The following PXK variants were observed in gnomAD, a reference collection of about 807,000 sequenced individuals.
The protein encoded by PXK is PX domain-containing protein kinase-like protein.
Under a neutral mutation model 84.7 loss-of-function variants are expected in PXK, and 35 were observed. The ratio of observed to expected loss-of-function variants is 0.41; its 90% CI spans 0.32 to 0.55. The LOEUF is 0.55. PXK is among the 20% of genes least tolerant of loss of function. The probability of loss-of-function intolerance (pLI) is 0.21; values close to 1 mark genes in which losing one functional copy is unlikely to be tolerated. For missense variants in PXK, 634 were observed against 699.7 expected, an observed-to-expected ratio of 0.91 and a Z score of 1.06; for synonymous variants, 253 against 260.8, an observed-to-expected ratio of 0.97 and a Z score of 0.29.
chr3:58,409,770 T>TG lies in PXK; in HGVS notation c.1395+156dup, dbSNP rs1553817681. The TG allele has an allele frequency of 8.2e-4, 192 of 235,384 alleles. 1 individual carries two copies. Among genetic ancestry groups the TG allele is most frequent in the African/African-American group, 6.6e-3 (122 of 18,444 alleles). 14.6% of individuals were successfully genotyped at this position (235,384 alleles called of 1,614,324 possible). ...CCAGATGACTGGGGTGCAGTTTTTT[T>TG]GGGGAAAAAAAAAGAGTCATATGAT... On this transcript the variant is annotated intron_variant, in intron 15 of 17. Coordinates refer to ENST00000356151, the MANE Select transcript of PXK (RefSeq NM_017771.5). The surrounding 1 kb of genome is among the most constrained non-coding windows in gnomAD (Gnocchi z 4.2).
At chr3:58,392,408 G>A (rs2098640136) in intron 7 of PXK, among the ~76,000 whole-genome samples, 1 of 152,184 alleles carries the variant, frequency 6.6e-6, no homozygotes, top group African/African-American at 2.4e-5. Context: ...ATCTGGCCAG[G>A]AAATTGAGTT....
At position 58,383,189 on chromosome 3, in the gene PXK, G is replaced by A. The variant is rs1483865783; in HGVS notation, c.388+489G>A. Reference sequence around the variant, plus strand: ...TGCCTGTAATCCTAGCTACTCGGGAGGCTGAGGCAGGAGAATCGCTTGAAC... The same window carrying A: ...TGCCTGTAATCCTAGCTACTCGGGAAGCTGAGGCAGGAGAATCGCTTGAAC... On this transcript the variant is annotated intron_variant, in intron 4 of 17. Coordinates refer to ENST00000356151, the MANE Select transcript of PXK (RefSeq NM_017771.5). This position sits in a 1 kb window ranked among gnomAD's most constrained non-coding sequence, Gnocchi z 4.0. 1.3e-5 allele frequency among the ~76,000 whole-genome samples: 2 copies of A among 152,170 alleles called. No individual in the cohort carries two copies. The highest frequency in any genetic ancestry group is 2.9e-5 in the Non-Finnish European group (2 of 68,034).
intron 1 of PXK, among the ~76,000 whole-genome samples, chr3:58,360,831 GAA>G (rs762223630): frequency 7.3e-5 from 8 of 109,702 alleles, no homozygotes; most frequent in Non-Finnish European, 5.9e-5. Context: ...GACCCCGACT[GAA>G]AAAAAAAAAA....
At chr3:58,388,882 C>A (rs1160178052) in intron 4 of PXK, among the ~76,000 whole-genome samples, 1 of 152,064 alleles carries the variant, frequency 6.6e-6, no homozygotes, top group African/African-American at 2.4e-5. Context: ...TACTGAATCC[C>A]TCATGCCTCA....
intron 13 of PXK, among the ~76,000 whole-genome samples, chr3:58,405,330 G>T (rs1240793773): frequency 5.3e-5 from 8 of 151,942 alleles, no homozygotes; most frequent in African/African-American, 1.9e-4. Flanking sequence ...AGTTCAACAT[G>T]ATCTGGGGGT....
At chr3:58,373,774 G>C (rs1455052288) in intron 3 of PXK, among the ~76,000 whole-genome samples, 1 of 152,000 alleles carries the variant, frequency 6.6e-6, no homozygotes, top group African/African-American at 2.4e-5. Flanking sequence ...CCCCTGACGT[G>C]GTGGCTCACG....
At chr3:58,419,703 G>C (rs574663509) in intron 17 of PXK, among the ~76,000 whole-genome samples, 2 of 152,322 alleles carry the variant, frequency 1.3e-5, no homozygotes, top group East Asian at 1.9e-4. Context: ...TAGCCTTGGG[G>C]AACAATGGTA....
chr3:58,335,729 C>G (rs1283152087), intron 1 of PXK, among the ~76,000 whole-genome samples: 1 of 152,018 alleles, frequency 6.6e-6, no homozygotes, highest in African/African-American at 2.4e-5. Flanking sequence ...TAATACAGGT[C>G]TGAGCTGATA....
rs142802066 is a variant in PXK, at chr3:58,411,977, A to G, written c.1466-924A>G. Among the ~76,000 whole-genome samples the G allele has an allele frequency of 1.3e-5, 2 of 152,178 alleles. No homozygotes were observed. Among genetic ancestry groups the G allele is most frequent in the Admixed American group, 6.5e-5 (1 of 15,274 alleles). The stretch of plus-strand genomic sequence containing the variant: ...CATGGCCAGTGTCCATGAGACACCA[A>G]CATGTCCTGTGGGTAGTGAGGGAAG... On this transcript the variant is annotated intron_variant, in intron 16 of 17. Coordinates refer to ENST00000356151, the MANE Select transcript of PXK (RefSeq NM_017771.5). This position sits in a 1 kb window ranked among gnomAD's most constrained non-coding sequence, Gnocchi z 4.2.
rs1477120269 is a variant in PXK, at chr3:58,333,811, A to G, written c.102+721A>G. Among the ~76,000 whole-genome samples, 1 of 151,656 alleles carries G rather than the reference A, an allele frequency of 6.6e-6. No individual in the cohort carries two copies. Among genetic ancestry groups the G allele is most frequent in the African/African-American group, 2.4e-5 (1 of 41,254 alleles). On this transcript the variant is annotated intron_variant, in intron 1 of 17. Coordinates refer to ENST00000356151, the MANE Select transcript of PXK (RefSeq NM_017771.5). The surrounding 1 kb of genome is among the most constrained non-coding windows in gnomAD (Gnocchi z 5.4). ...CTCATAGTAAACATTGGCAGGGTTCATTTCTGCTACATATACGGTCTTTTA... is the reference window on the plus strand; with the variant it reads ...CTCATAGTAAACATTGGCAGGGTTCGTTTCTGCTACATATACGGTCTTTTA...
intron 1 of PXK, among the ~76,000 whole-genome samples, chr3:58,355,364 T>A (rs1402478977): frequency 2.0e-5 from 3 of 152,148 alleles, no homozygotes; most frequent in Admixed American, 2.0e-4. Context: ...GTACTTCAAG[T>A]TTCACGGCAC....
chr3:58,336,412 A>T (rs1387144793), intron 1 of PXK, among the ~76,000 whole-genome samples: 1 of 152,162 alleles, frequency 6.6e-6, no homozygotes, highest in Admixed American at 6.5e-5. Context: ...CATCATTTTT[A>T]TGGAGCAAAA....
chr3:58,402,587 G>T (rs531378731), intron 12 of PXK, among the ~76,000 whole-genome samples: 1 of 151,164 alleles, frequency 6.6e-6, no homozygotes, highest in South Asian at 2.1e-4. Context: ...GTGCCACCAT[G>T]CCCGGCTAGT....
At chr3:58,344,810 A>G (rs1259532011) in intron 1 of PXK, among the ~76,000 whole-genome samples, 4 of 152,184 alleles carry the variant, frequency 2.6e-5, no homozygotes, top group Non-Finnish European at 5.9e-5. Context: ...CCTGGGCAAC[A>G]AGAGTGAAAC....
At chr3:58,422,226 T>G in intron 17 of PXK, 1 of 985,408 alleles carries the variant, frequency 1.0e-6, no homozygotes, top group Non-Finnish European at 1.2e-6. Flanking sequence ...CCCAGGTCTG[T>G]GTTCCTGCCT....
chr3:58,336,062 T>TAG, intron 1 of PXK, among the ~76,000 whole-genome samples: 1 of 58,098 alleles, frequency 1.7e-5, no homozygotes. Flanking sequence ...TATATATATA[T>TAG]ATATATATAT....
intron 17 of PXK, 74 bp from the exon 18 acceptor site, chr3:58,424,678 T>G (rs2062566619): frequency 1.3e-6 from 2 of 1,545,752 alleles, no homozygotes; most frequent in Admixed American, 1.9e-5. Context: ...TCCGTTGTGC[T>G]CAGGACTGAG....
chr3:58,378,188 C>T (rs1439926905), intron 3 of PXK, among the ~76,000 whole-genome samples: 1 of 152,176 alleles, frequency 6.6e-6, no homozygotes, highest in Non-Finnish European at 1.5e-5. Flanking sequence ...TCTCAACTCC[C>T]AGAATTCTGG....
rs571568967 is a variant in PXK at position 58,409,719 on chromosome 3, T to C, written c.1395+101T>C. 3.2e-6 allele frequency: 3 copies of C among 937,012 alleles called. No individual in the cohort carries two copies. The African/African-American group carries it at 5.0e-5, about 16-fold the overall frequency. 58.0% of individuals were successfully genotyped at this position (937,012 alleles called of 1,614,324 possible). On this transcript the variant is annotated intron_variant, in intron 15 of 17. Transcript: ENST00000356151. The surrounding 1 kb of genome is among the most constrained non-coding windows in gnomAD (Gnocchi z 4.2). ...CCATTTAATGACAGATGCTGTGCTATATCTCCTTGAAAGCTAAGACTATTT... is the reference window on the plus strand; with the variant it reads ...CCATTTAATGACAGATGCTGTGCTACATCTCCTTGAAAGCTAAGACTATTT...
Sources: allele counts gnomAD v4.1 joint callset (sites outside exome capture counted in the v4.1 genomes callset), GRCh38; gene constraint gnomAD v4.1.1; non-coding constraint Gnocchi (gnomAD v3.1); transcripts MANE v1.5; gene names NCBI Gene and HGNC (gene_info 2026-07-23, HGNC 2026-07-21).